TYW1: variants seen among roughly 807,000 people sequenced by gnomAD.
TYW1 encodes the protein S-adenosyl-L-methionine-dependent tRNA 4-demethylwyosine synthase TYW1.
Under a neutral mutation model 96.2 loss-of-function variants are expected in TYW1, and 46 were observed. The observed-to-expected ratio is 0.48, with a 90% CI of 0.38 to 0.61. The LOEUF (loss-of-function observed/expected upper bound fraction) is 0.61. TYW1 is among the 20% of genes least tolerant of loss of function. TYW1 has a pLI of 0.00. For synonymous variants in TYW1, 274 were observed against 323.0 expected (o/e 0.85, Z 1.63); for missense variants, 684 against 909.6 (o/e 0.75, Z 3.19).
intron 13 of TYW1, among the ~76,000 whole-genome samples, chr7:67,124,486 C>G (rs1323042402): frequency 6.6e-6 from 1 of 151,976 alleles, no homozygotes; most frequent in Non-Finnish European, 1.5e-5. Flanking sequence ...CTACCTTGGC[C>G]TCCCAAAATG....
chr7:67,210,874 A>G (rs1477745715), intron 15 of TYW1, among the ~76,000 whole-genome samples: 3 of 147,600 alleles, frequency 2.0e-5, no homozygotes, highest in South Asian at 4.4e-4. Flanking sequence ...TCATCTATCT[A>G]TCCATCTGTC....
chr7:67,119,494 C>T (rs1479395934), intron 13 of TYW1, among the ~76,000 whole-genome samples: 1 of 152,194 alleles, frequency 6.6e-6, no homozygotes, highest in Non-Finnish European at 1.5e-5. Context: ...CTTCTCCCTT[C>T]TGAGTCTTCG....
At chr7:67,108,630 C>T (rs1246595874) in intron 12 of TYW1, among the ~76,000 whole-genome samples, 9 of 151,524 alleles carry the variant, frequency 5.9e-5, no homozygotes, top group South Asian at 2.1e-4. Context: ...CTGAGAGAAA[C>T]GGGGTTTCAC....
intron 13 of TYW1, among the ~76,000 whole-genome samples, chr7:67,142,120 G>T (rs1376189434): frequency 6.6e-6 from 1 of 152,160 alleles, no homozygotes; most frequent in Non-Finnish European, 1.5e-5. Context: ...TTTAGAGACA[G>T]GGACTTGTTC....
intron 11 of TYW1, among the ~76,000 whole-genome samples, chr7:67,085,450 C>G (rs1488613139): frequency 3.3e-5 from 5 of 152,142 alleles, no homozygotes; most frequent in Admixed American, 1.3e-4. Context: ...AAGGAGGTGC[C>G]TTGCTTCCCC....
chr7:67,169,050 A>AT (rs1047133034), intron 13 of TYW1, among the ~76,000 whole-genome samples: 3 of 151,986 alleles, frequency 2.0e-5, no homozygotes, highest in African/African-American at 4.8e-5. Context: ...CTCTTGTTAA[A>AT]TTTTTTTACA....
At chr7:66,997,171 G>C (rs2129234266) in intron 1 of TYW1, among the ~76,000 whole-genome samples, 189 bp downstream of exon 1, 1 of 152,348 alleles carries the variant, frequency 6.6e-6, no homozygotes, top group African/African-American at 2.4e-5. Context: ...TTTGCCTTTT[G>C]AGGCTAGGGG....
chr7:67,079,178 G>C (rs914768997), intron 10 of TYW1, among the ~76,000 whole-genome samples: 11 of 151,302 alleles, frequency 7.3e-5, no homozygotes, highest in African/African-American at 2.7e-4. Flanking sequence ...AGAGGTGTGT[G>C]TGTGTGTGTG....
At chr7:67,130,998 C>T (rs1250745064) in intron 13 of TYW1, among the ~76,000 whole-genome samples, 3 of 152,148 alleles carry the variant, frequency 2.0e-5, no homozygotes, top group Admixed American at 6.5e-5. Flanking sequence ...GCCCTTAACA[C>T]GGTGACTGAC....
intron 3 of TYW1, among the ~76,000 whole-genome samples, chr7:67,007,099 T>C (rs1455026030): frequency 6.6e-6 from 1 of 151,734 alleles, no homozygotes; most frequent in Non-Finnish European, 1.5e-5. Flanking sequence ...CGTCCTTGAA[T>C]TAAACTGAAA....
chr7:67,027,191 C>A (rs62466620), intron 7 of TYW1, among the ~76,000 whole-genome samples: 6,028 of 150,974 alleles, frequency 0.04, 183 homozygotes, highest in Middle Eastern at 0.11. Flanking sequence ...CATTGTGAGA[C>A]CTTGTTTCAA....
chr7:67,185,908 C>A (rs545147117), intron 14 of TYW1, among the ~76,000 whole-genome samples: 161 of 124,490 alleles, frequency 1.3e-3, no homozygotes, highest in Middle Eastern at 8.0e-3. Context: ...TTACAGCTGT[C>A]TTTTGGTGAG....
chr7:67,133,996 T>C (rs1404053987), intron 13 of TYW1, among the ~76,000 whole-genome samples: 2 of 151,988 alleles, frequency 1.3e-5, no homozygotes, highest in East Asian at 3.9e-4. Flanking sequence ...CCCATCCCTC[T>C]TCTCTGCTTG....
chr7:67,061,020 G>C (rs931612486), intron 9 of TYW1, among the ~76,000 whole-genome samples: 20 of 152,248 alleles, frequency 1.3e-4, no homozygotes, highest in African/African-American at 4.6e-4. Flanking sequence ...TTGAGGTCAG[G>C]AGTTCAAGAC....
At position 67,025,913 on chromosome 7, in the gene TYW1, A is replaced by G. The variant is rs1293658990; in HGVS notation, c.984+891A>G. On this transcript the variant is annotated intron_variant, in intron 7 of 15. Coordinates refer to ENST00000359626, the MANE Select transcript of TYW1 (RefSeq NM_018264.4). ...TCCAAGAAAATCAATGCTAAAACCTATACAAATTCAAATGAACTCAGTAAG... is the reference window on the plus strand; with the variant it reads ...TCCAAGAAAATCAATGCTAAAACCTGTACAAATTCAAATGAACTCAGTAAG... Among the ~76,000 whole-genome samples, 10 of 152,262 alleles carry G rather than the reference A, an allele frequency of 6.6e-5. No individual in the cohort carries two copies. In the South Asian group the frequency reaches 1.9e-3, roughly 28 times the overall value.
rs1204823792 is a variant in TYW1 at position 67,110,964 on chromosome 7, C to G, written c.1563-6519C>G. Reference sequence around the variant, plus strand: ...AGATTGCAGTGAGCCATGATCATGCCACTGCACTCCAGCCTGGGGGACAGA... The same window carrying G: ...AGATTGCAGTGAGCCATGATCATGCGACTGCACTCCAGCCTGGGGGACAGA... On this transcript the variant is annotated intron_variant, in intron 12 of 15. Coordinates refer to ENST00000359626, the MANE Select transcript of TYW1 (RefSeq NM_018264.4). Among the ~76,000 whole-genome samples, 2 of 152,050 alleles carry G rather than the reference C, an allele frequency of 1.3e-5. 1 individual carries two copies. Among genetic ancestry groups the G allele is most frequent in the South Asian group, 4.2e-4 (2 of 4,808 alleles).
intron 11 of TYW1, among the ~76,000 whole-genome samples, chr7:67,091,322 C>A (rs1347208127): frequency 1.3e-5 from 2 of 150,172 alleles, no homozygotes; most frequent in Non-Finnish European, 2.9e-5. Flanking sequence ...GGACAGAAAA[C>A]CAAACACTGC....
intron 10 of TYW1, among the ~76,000 whole-genome samples, chr7:67,068,316 C>T (rs993361824): frequency 1.3e-5 from 2 of 152,184 alleles, no homozygotes; most frequent in Non-Finnish European, 2.9e-5. Context: ...GCCACCGCAC[C>T]CAGCCTACTA....
chr7:67,017,635 A>C (rs1170370896), intron 5 of TYW1, among the ~76,000 whole-genome samples: 2 of 152,172 alleles, frequency 1.3e-5, no homozygotes, highest in Non-Finnish European at 2.9e-5. Flanking sequence ...TGTTTAAAAA[A>C]ATAAATCTAA....
Sources: allele counts gnomAD v4.1 joint callset (sites outside exome capture counted in the v4.1 genomes callset), GRCh38; gene constraint gnomAD v4.1.1; transcripts MANE v1.5; gene names NCBI Gene and HGNC (gene_info 2026-07-23, HGNC 2026-07-21).